CWH43: variants seen among roughly 807,000 people sequenced by gnomAD.
The protein encoded by CWH43 is PGAP2-interacting protein.
Under a neutral mutation model 85.7 loss-of-function variants are expected in CWH43, and 91 were observed. The ratio of observed to expected loss-of-function variants is 1.06; its 90% CI spans 0.90 to 1.26. The LOEUF is 1.26. Among genes scored for constraint, CWH43 ranks in the 50% most tolerant of loss-of-function variants. The pLI is 0.00. For missense variants in CWH43, 869 were observed against 839.2 expected (o/e 1.04, Z -0.44); for synonymous variants, 323 against 293.6 (o/e 1.10, Z -1.02).
chr4:49,015,289 C>T (rs1783511266), intron 8 of CWH43, among the ~76,000 whole-genome samples: 1 of 150,930 alleles, frequency 6.6e-6, no homozygotes, highest in South Asian at 2.1e-4. Context: ...TGCCCCTCCT[C>T]CCCACTCCTC....
In CWH43 at chr4:49,017,366, G is replaced by T. The variant is rs1560497435; in HGVS notation, c.1266+38G>T. Reference sequence around the variant, plus strand: ...AAACCTTGAAATAGAATTTTATATGGTATATATATGTGCATATATTTGTAC... The same window carrying T: ...AAACCTTGAAATAGAATTTTATATGTTATATATATGTGCATATATTTGTAC... On this transcript the variant is annotated intron_variant, in intron 9 of 15. Transcript: ENST00000226432. 3.0e-6 allele frequency: 4 copies of T among 1,341,126 alleles called. No individual in the cohort carries two copies. The Admixed American group carries it at 5.5e-5, about 18-fold the overall frequency. 83.1% of individuals were successfully genotyped at this position (1,341,126 alleles called of 1,614,324 possible).
intron 13 of CWH43, among the ~76,000 whole-genome samples, chr4:49,044,152 A>G (rs1314045259): frequency 6.6e-6 from 1 of 152,186 alleles, no homozygotes; most frequent in East Asian, 1.9e-4. Flanking sequence ...TTCCCAACAC[A>G]TGATAGAAAA....
intron 14 of CWH43, among the ~76,000 whole-genome samples, chr4:49,045,625 G>A: frequency 6.6e-6 from 1 of 152,126 alleles, no homozygotes; most frequent in East Asian, 1.9e-4. Flanking sequence ...TATAGCTTAG[G>A]TGTGTAGTAG....
At chr4:49,003,484 C>T in intron 6 of CWH43, 1 of 452,090 alleles carries the variant, frequency 2.2e-6, no homozygotes. Context: ...CTTTTCACTC[C>T]TCCTGCCCTT....
intron 8 of CWH43, among the ~76,000 whole-genome samples, chr4:49,014,420 C>T (rs1196040149): frequency 6.8e-5 from 10 of 146,074 alleles, no homozygotes; most frequent in African/African-American, 2.6e-4. Flanking sequence ...GATGGTGCCA[C>T]TGCACTTCAG....
intron 6 of CWH43, among the ~76,000 whole-genome samples, chr4:49,002,476 A>C (rs574888038): frequency 1.3e-5 from 2 of 152,326 alleles, no homozygotes; most frequent in East Asian, 3.9e-4. Context: ...TTTATGTAAA[A>C]ATACTTCTGT....
chr4:49,037,525 G>T (rs762795825), intron 12 of CWH43, among the ~76,000 whole-genome samples: 31 of 151,316 alleles, frequency 2.0e-4, no homozygotes, highest in Non-Finnish European at 2.6e-4. Context: ...AGCCGAGATT[G>T]TGCCATTGCA....
chr4:49,043,766 A>T lies in CWH43; in HGVS notation c.1804-1020A>T, dbSNP rs1784539797. On this transcript the variant is annotated intron_variant, in intron 13 of 15. Coordinates refer to ENST00000226432, the MANE Select transcript of CWH43 (RefSeq NM_025087.3). ...TTATTTATCTATTTAATTATTCCCA[A>T]TACTAAAGTTTTCTATTTTCCCAAG... 3.9e-5 allele frequency among the ~76,000 whole-genome samples: 6 copies of T among 152,196 alleles called. No homozygotes were observed. The South Asian group carries it at 1.2e-3, about 32-fold the overall frequency.
chr4:49,033,407 C>G (rs1384834317), intron 12 of CWH43, among the ~76,000 whole-genome samples: 1 of 152,134 alleles, frequency 6.6e-6, no homozygotes, highest in African/African-American at 2.4e-5. Context: ...AACTGACTCC[C>G]CCTAAATGGT....
chr4:49,009,705 A>C (rs1560493294), intron 8 of CWH43, among the ~76,000 whole-genome samples: 1 of 152,116 alleles, frequency 6.6e-6, no homozygotes, highest in Non-Finnish European at 1.5e-5. Context: ...AATTTTGTCG[A>C]AGGCCTTTTC....
At chr4:49,004,454 A>G (rs1783091811) in intron 7 of CWH43, among the ~76,000 whole-genome samples, 1 of 152,152 alleles carries the variant, frequency 6.6e-6, no homozygotes. Flanking sequence ...TGATGTGATC[A>G]CAGCTCACTG....
At chr4:48,994,884 T>C in intron 5 of CWH43, 64 bp downstream of exon 5, 5 of 1,272,872 alleles carry the variant, frequency 3.9e-6, no homozygotes, top group Non-Finnish European at 5.7e-6. Flanking sequence ...CAATGCCTCC[T>C]TTGTCAGACA....
chr4:48,995,396 T>G (rs1782781581), intron 5 of CWH43, among the ~76,000 whole-genome samples: 1 of 152,170 alleles, frequency 6.6e-6, no homozygotes, highest in Non-Finnish European at 1.5e-5. Flanking sequence ...TTTTTAACTC[T>G]CTCTCTGCTC....
chr4:48,996,639 C>A (rs1468071911), intron 5 of CWH43, among the ~76,000 whole-genome samples: 3 of 152,154 alleles, frequency 2.0e-5, no homozygotes, highest in African/African-American at 7.2e-5. Context: ...TGAAAACAAG[C>A]ATAAGTTTTG....
intron 12 of CWH43, among the ~76,000 whole-genome samples, chr4:49,033,370 T>C (rs1176515092): frequency 6.6e-6 from 1 of 152,140 alleles, no homozygotes; most frequent in African/African-American, 2.4e-5. Context: ...CATATGGACT[T>C]GTGAATACAT....
chr4:49,038,283 C>A, intron 13 of CWH43, 103 bp downstream of exon 13: 8 of 872,676 alleles, frequency 9.2e-6, no homozygotes, highest in Non-Finnish European at 1.2e-5. Context: ...CATGTGCAGT[C>A]TATCTACTGC....
chr4:48,986,607 A>T, intron 1 of CWH43, 135 bp downstream of exon 1: 1 of 1,481,324 alleles, frequency 6.8e-7, no homozygotes, highest in Non-Finnish European at 8.9e-7. Flanking sequence ...GGAGATGCTT[A>T]TCGTCCCCTG....
intron 12 of CWH43, among the ~76,000 whole-genome samples, chr4:49,035,801 A>G (rs1784246051): frequency 6.6e-6 from 1 of 152,162 alleles, no homozygotes; most frequent in African/African-American, 2.4e-5. Flanking sequence ...CAGTTAGAAT[A>G]TATTGGATTG....
intron 8 of CWH43, among the ~76,000 whole-genome samples, chr4:49,008,726 T>C (rs1056919865): frequency 2.0e-5 from 3 of 152,228 alleles, no homozygotes; most frequent in African/African-American, 7.2e-5. Flanking sequence ...ATTTGTTAAA[T>C]AGGGAACCCT....
Sources: allele counts gnomAD v4.1 joint callset (sites outside exome capture counted in the v4.1 genomes callset), GRCh38; gene constraint gnomAD v4.1.1; transcripts MANE v1.5; gene names NCBI Gene and HGNC (gene_info 2026-07-23, HGNC 2026-07-21).